Variants in PARD3B observed in about 807,000 individuals in gnomAD.
The protein encoded by PARD3B is partitioning defective 3 homolog B.
A neutral mutation model predicts 130.2 loss-of-function variants in PARD3B; 103 were observed. The ratio of observed to expected loss-of-function variants is 0.79; its 90% confidence interval spans 0.67 to 0.93. The LOEUF is 0.93. Ranked by LOEUF, PARD3B falls within the 40% of genes least tolerant of loss-of-function variation. PARD3B has a pLI of 0.00. For missense variants in PARD3B, 1,609 were observed against 1,499.2 expected (o/e 1.07, Z -1.21); for synonymous variants, 583 against 553.2 (o/e 1.05, Z -0.76).
intron 3 of PARD3B, among the ~76,000 whole-genome samples, chr2:205,026,808 T>C (rs1252517079): frequency 6.6e-6 from 1 of 152,176 alleles, no homozygotes; most frequent in African/African-American, 2.4e-5. Flanking sequence ...CTTATTTCGC[T>C]TAGCATAATG....
chr2:205,002,148 T>C lies in PARD3B; in HGVS notation c.394+36825T>C, dbSNP rs558210662. Among the ~76,000 whole-genome samples the C allele has an allele frequency of 2.6e-5, 4 of 152,128 alleles. No homozygotes were observed. In the East Asian group the frequency reaches 7.8e-4, roughly 30 times the overall value. ...AGCTTGTCAATAGTCATGTGGTAGATAGCATTTATAGGGTGACAGTGTATG... is the reference window on the plus strand; with the variant it reads ...AGCTTGTCAATAGTCATGTGGTAGACAGCATTTATAGGGTGACAGTGTATG... On this transcript the variant is annotated intron_variant, in intron 3 of 22. Coordinates refer to ENST00000406610, the MANE Select transcript of PARD3B (RefSeq NM_001302769.2).
chr2:204,940,521 G>C (rs1320100977), intron 2 of PARD3B, among the ~76,000 whole-genome samples: 6 of 151,558 alleles, frequency 4.0e-5, no homozygotes, highest in Non-Finnish European at 8.8e-5. Context: ...TTCTGTGTCT[G>C]GGGTTGATTT....
chr2:205,598,768 C>G (rs1490355428), intron 22 of PARD3B, among the ~76,000 whole-genome samples: 1 of 152,184 alleles, frequency 6.6e-6, no homozygotes, highest in Non-Finnish European at 1.5e-5. Flanking sequence ...CAACTGCACT[C>G]TTGGACCACA....
chr2:205,150,620 A>G lies in PARD3B; in HGVS notation c.1435-8102A>G, dbSNP rs181927111. Reference sequence around the variant, plus strand: ...TTGCTATTATTAGAGGGCACTAATTATGGCTTAAGCCTGGTACAGCATAAG... The same window carrying G: ...TTGCTATTATTAGAGGGCACTAATTGTGGCTTAAGCCTGGTACAGCATAAG... On this transcript the variant is annotated intron_variant, in intron 10 of 22. Transcript: ENST00000406610. 2.9e-3 allele frequency among the ~76,000 whole-genome samples: 435 copies of G among 152,298 alleles called. 2 individuals are homozygous for G. Among genetic ancestry groups the G allele is most frequent in the African/African-American group, 1.0e-2 (415 of 41,574 alleles).
chr2:205,173,435 A>G (rs1048567669), intron 12 of PARD3B, among the ~76,000 whole-genome samples: 9 of 152,194 alleles, frequency 5.9e-5, no homozygotes, highest in African/African-American at 2.2e-4. Context: ...TAGATGACAG[A>G]TATTGCTGTC....
chr2:204,611,114 T>G (rs2033905891), intron 1 of PARD3B, among the ~76,000 whole-genome samples: 1 of 152,164 alleles, frequency 6.6e-6, no homozygotes. Flanking sequence ...AAAACAAAAT[T>G]CTTATTCTGA....
intron 22 of PARD3B, among the ~76,000 whole-genome samples, chr2:205,571,574 A>C (rs2053562434): frequency 6.6e-6 from 1 of 152,240 alleles, no homozygotes; most frequent in Admixed American, 6.5e-5. Context: ...AACAAAAATA[A>C]CCAGATGTCC....
In PARD3B at chr2:205,405,520, T is replaced by C. The variant is rs2046389077; in HGVS notation, c.2741+4397T>C. On this transcript the variant is annotated intron_variant, in intron 19 of 22. Transcript: ENST00000406610. The surrounding 1 kb of genome is among the most constrained non-coding windows in gnomAD (Gnocchi z 4.1). ...GCAGAGAAATCTAGATCAGATGATA[T>C]AACCCTAGAAGGATTATTAGCTATT... 6.6e-6 allele frequency among the ~76,000 whole-genome samples: 1 copy of C among 152,236 alleles called. No individual in the cohort carries two copies. The highest frequency in any genetic ancestry group is 2.1e-4 in the South Asian group (1 of 4,838).
chr2:204,895,588 T>C (rs1559236752), intron 2 of PARD3B, among the ~76,000 whole-genome samples: 1 of 152,184 alleles, frequency 6.6e-6, no homozygotes, highest in Non-Finnish European at 1.5e-5. Context: ...TTGCATTAAA[T>C]TGTTTACTGA....
At chr2:205,111,694 G>C in intron 5 of PARD3B, among the ~76,000 whole-genome samples, 1 of 152,024 alleles carries the variant, frequency 6.6e-6, no homozygotes. Context: ...ACATATGGAT[G>C]CTATCTCTCA....
intron 2 of PARD3B, among the ~76,000 whole-genome samples, chr2:204,881,239 G>T (rs2046032793): frequency 6.6e-6 from 1 of 152,086 alleles, no homozygotes; most frequent in Non-Finnish European, 1.5e-5. Flanking sequence ...TGGTTGACCA[G>T]TCTGTATGTG....
Position 205,265,626 on chromosome 2 carries a change from T to A in PARD3B, c.2185+19804T>A, listed in dbSNP as rs2040474165. Among the ~76,000 whole-genome samples, 1 of 152,026 alleles carries A rather than the reference T, an allele frequency of 6.6e-6. No homozygotes were observed. The highest frequency in any genetic ancestry group is 1.5e-5 in the Non-Finnish European group (1 of 67,930). On this transcript the variant is annotated intron_variant, in intron 16 of 22. Coordinates refer to ENST00000406610, the MANE Select transcript of PARD3B (RefSeq NM_001302769.2). This position sits in a 1 kb window ranked among gnomAD's most constrained non-coding sequence, Gnocchi z 4.3. ...TAATTATTTTGATGTCACTTTTCAT[T>A]GTTTTATTCACAAAAAGGAAAAACA...
chr2:204,914,732 A>G (rs2047377960), intron 2 of PARD3B, among the ~76,000 whole-genome samples: 1 of 152,192 alleles, frequency 6.6e-6, no homozygotes, highest in Admixed American at 6.5e-5. Context: ...GAGAGAGGGA[A>G]AGAAAAGAAA....
At chr2:204,745,242 G>A (rs1210866159) in intron 2 of PARD3B, among the ~76,000 whole-genome samples, 1 of 152,058 alleles carries the variant, frequency 6.6e-6, no homozygotes, top group East Asian at 1.9e-4. Flanking sequence ...CCTTGGAGAA[G>A]GTCAAGGAAC....
chr2:205,532,351 C>T (rs2051636843), intron 21 of PARD3B, among the ~76,000 whole-genome samples: 1 of 152,134 alleles, frequency 6.6e-6, no homozygotes, highest in Admixed American at 6.6e-5. Flanking sequence ...TCATAAAAGG[C>T]AAAACTGTTA....
At chr2:205,573,245 AG>A (rs924838285) in intron 22 of PARD3B, among the ~76,000 whole-genome samples, 34 of 152,266 alleles carry the variant, frequency 2.2e-4, no homozygotes, top group Admixed American at 5.9e-4. Context: ...AAGGGCAGGA[AG>A]GGAAGAGAGG....
intron 20 of PARD3B, among the ~76,000 whole-genome samples, chr2:205,466,777 A>G (rs191956678): frequency 2.5e-3 from 380 of 152,342 alleles, no homozygotes; most frequent in African/African-American, 8.5e-3. Flanking sequence ...CAGTGGCGCA[A>G]TCTCGGCTCA....
intron 22 of PARD3B, among the ~76,000 whole-genome samples, chr2:205,554,107 T>A (rs1201628754): frequency 6.6e-6 from 1 of 152,170 alleles, no homozygotes; most frequent in Non-Finnish European, 1.5e-5. Flanking sequence ...GTACATGCAG[T>A]CCAGCTACGA....
chr2:204,851,551 T>C lies in PARD3B; in HGVS notation c.223-113601T>C, dbSNP rs6718742. Among the ~76,000 whole-genome samples the C allele has an allele frequency of 8.2e-3, 1,255 of 152,336 alleles. 10 individuals carry two copies. The highest frequency in any genetic ancestry group is 0.028 in the African/African-American group (1,159 of 41,572). ...TTAAAATGAGATTCAGTGATAGTTA[T>C]TGTTTTGCTGTGACTATCCAACTGT... On this transcript the variant is annotated intron_variant, in intron 2 of 22. Transcript: ENST00000406610.
Sources: allele counts gnomAD v4.1 joint callset (sites outside exome capture counted in the v4.1 genomes callset), GRCh38; gene constraint gnomAD v4.1.1; non-coding constraint Gnocchi (gnomAD v3.1); transcripts MANE v1.5; gene names NCBI Gene and HGNC (gene_info 2026-07-23, HGNC 2026-07-21).